Variants in NEK4 observed in about 807,000 individuals in gnomAD.
NEK4 encodes serine/threonine-protein kinase Nek4.
A neutral mutation model predicts 98.4 loss-of-function variants in NEK4; 86 were observed. That is an observed-to-expected ratio of 0.87 (90% CI 0.73 to 1.05). The LOEUF (loss-of-function observed/expected upper bound fraction) is 1.05, where lower values mean the gene tolerates loss of function less well. NEK4 is among the 50% of genes least tolerant of loss of function. The pLI, the probability that NEK4 is intolerant of heterozygous loss-of-function variation, is 0.00. For missense variants in NEK4, 898 were observed against 950.3 expected (o/e 0.94, Z 0.72); for synonymous variants, 328 against 342.2 (o/e 0.96, Z 0.46).
At chr3:52,754,684 T>C (rs1325101428) in intron 6 of NEK4, 1 of 585,510 alleles carries the variant, frequency 1.7e-6, no homozygotes. Context: ...GAGAAAACAG[T>C]AGCAACTTAA....
intron 15 of NEK4, among the ~76,000 whole-genome samples, chr3:52,735,337 T>C (rs993291123): frequency 6.6e-6 from 1 of 152,224 alleles, no homozygotes; most frequent in African/African-American, 2.4e-5. Context: ...TACTCAGAAT[T>C]TCCAATTTGC....
chr3:52,753,884 T>C (rs1000436433), intron 6 of NEK4: 1 of 357,324 alleles, frequency 2.8e-6, no homozygotes, highest in Non-Finnish European at 5.5e-6. Context: ...AGATGGCATA[T>C]TTAGGCCAGG....
At chr3:52,721,171 G>A (rs371649285) in intron 15 of NEK4, among the ~76,000 whole-genome samples, 1 of 152,212 alleles carries the variant, frequency 6.6e-6, no homozygotes, top group African/African-American at 2.4e-5. Flanking sequence ...CATGCTGCTT[G>A]CAAGAACCAG....
Position 52,710,368 on chromosome 3 carries a change from A to C in NEK4, c.*1409T>G, listed in dbSNP as rs2097349197. 2 of 151,936 alleles carry C rather than the reference A, an allele frequency of 1.3e-5. No homozygotes were observed. Among genetic ancestry groups the C allele is most frequent in the African/African-American group, 4.8e-5 (2 of 41,382 alleles). 9.4% of individuals were successfully genotyped at this position (151,936 alleles called of 1,614,324 possible). A position where few individuals can be genotyped will look rare whatever the true frequency, so the allele number is the denominator to read the frequency against. On this transcript the variant is annotated 3_prime_UTR_variant, in exon 16 of 16. Coordinates refer to ENST00000233027, the MANE Select transcript of NEK4 (RefSeq NM_003157.6). ...TGACAGAGCAAGACTGTGTCTTAAAAAAAAAAAAAAATTGTTAAGTGGCTG... is the reference window on the plus strand; with the variant it reads ...TGACAGAGCAAGACTGTGTCTTAAACAAAAAAAAAAATTGTTAAGTGGCTG...
rs949233498 is a variant in NEK4, at chr3:52,710,922, T to C, written c.*855A>G. The stretch of plus-strand genomic sequence containing the variant: ...ATTAAACAACTAATAAAATATGTGC[T>C]ATATAATCATACATTTAAAACATGG... On this transcript the variant is annotated 3_prime_UTR_variant, in exon 16 of 16. Transcript: ENST00000233027. 1.3e-5 allele frequency: 2 copies of C among 152,608 alleles called. No homozygotes were observed. The highest frequency in any genetic ancestry group is 4.1e-4 in the South Asian group (2 of 4,838). 9.5% of individuals were successfully genotyped at this position (152,608 alleles called of 1,614,324 possible).
chr3:52,711,749 A>C lies in NEK4; in HGVS notation c.*28T>G. 1 of 1,452,330 alleles carries C rather than the reference A, an allele frequency of 6.9e-7. No homozygotes were observed. The highest frequency in any genetic ancestry group is 9.7e-7 in the Non-Finnish European group (1 of 1,036,006). 90.0% of individuals were successfully genotyped at this position (1,452,330 alleles called of 1,614,324 possible). A position where few individuals can be genotyped will look rare whatever the true frequency, so the allele number is the denominator to read the frequency against. ...CAAAATCCTCTAAAAATAGGTCTTT[A>C]ATTCTGGCAGCAGATTAGGACAAAT... On this transcript the variant is annotated 3_prime_UTR_variant, in exon 16 of 16. Transcript: ENST00000233027.
intron 14 of NEK4, among the ~76,000 whole-genome samples, chr3:52,738,781 T>C (rs1486565966): frequency 6.6e-6 from 1 of 152,140 alleles, no homozygotes; most frequent in African/African-American, 2.4e-5. Context: ...TGACATTCTT[T>C]TTTCCCTCTG....
chr3:52,741,451 TAGA>T lies in NEK4; in HGVS notation c.2050_2052del (p.Ser684del). ...CCATCTGACTTATCAGTTGAACTTGTAGAAGAACTTAACTCATCCTCAGACAGA... is the reference window on the plus strand; with the variant it reads ...CCATCTGACTTATCAGTTGAACTTGTAGAACTTAACTCATCCTCAGACAGA... On this transcript the variant is annotated inframe_deletion, in exon 13 of 16. Coordinates refer to ENST00000233027, the MANE Select transcript of NEK4 (RefSeq NM_003157.6). The T allele has an allele frequency of 6.2e-7, 1 of 1,611,188 alleles. No homozygotes were observed. Among genetic ancestry groups the T allele is most frequent in the Non-Finnish European group, 8.5e-7 (1 of 1,177,412 alleles).
At chr3:52,728,557 C>T (rs1366503347) in intron 15 of NEK4, among the ~76,000 whole-genome samples, 2 of 152,150 alleles carry the variant, frequency 1.3e-5, no homozygotes, top group African/African-American at 4.8e-5. Flanking sequence ...GTTAACTGTA[C>T]AAATTGATTG....
At chr3:52,745,122 T>C (rs1306721736) in intron 10 of NEK4, among the ~76,000 whole-genome samples, 1 of 151,898 alleles carries the variant, frequency 6.6e-6, no homozygotes, top group East Asian at 2.0e-4. Flanking sequence ...GGTTTCACTG[T>C]GTTAGCCAGG....
At chr3:52,766,125 T>C in intron 3 of NEK4, 53 bp downstream of exon 3, 3 of 1,527,716 alleles carry the variant, frequency 2.0e-6, no homozygotes, top group Non-Finnish European at 1.8e-6. Context: ...CTTCTGAAAT[T>C]ACAAGCACTC....
chr3:52,743,111 G>A, intron 12 of NEK4: 1 of 406,200 alleles, frequency 2.5e-6, no homozygotes, highest in East Asian at 4.4e-5. Context: ...ACCAACCTAT[G>A]AAATATTTTT....
chr3:52,748,744 A>G (rs2097400389), intron 8 of NEK4, among the ~76,000 whole-genome samples: 1 of 152,192 alleles, frequency 6.6e-6, no homozygotes, highest in Non-Finnish European at 1.5e-5. Context: ...GGATTAGCTG[A>G]AAGAATACAC....
rs192108460 is a variant in NEK4 at position 52,726,861 on chromosome 3, G to A, written c.2433+10725C>T. ...GGAGGTTGCAGTGAGCTGAGATGGC[G>A]CCATTGCACTCCAGCCTGGGTGACA... On this transcript the variant is annotated intron_variant, in intron 15 of 15. Coordinates refer to ENST00000233027, the MANE Select transcript of NEK4 (RefSeq NM_003157.6). Among the ~76,000 whole-genome samples the A allele has an allele frequency of 5.5e-3, 823 of 149,292 alleles. 12 individuals are homozygous for A. In the South Asian group the frequency reaches 0.065, roughly 12 times the overall value.
intron 1 of NEK4, 50 bp downstream of exon 1, chr3:52,770,604 G>T (rs1300846495): frequency 1.4e-6 from 2 of 1,435,850 alleles, no homozygotes; most frequent in African/African-American, 1.5e-5. Context: ...CGGCGCCCTC[G>T]GCGCACTTCT....
At position 52,720,822 on chromosome 3, in the gene NEK4, A is replaced by G. The variant is rs531635921; in HGVS notation, c.2434-8953T>C. 2.9e-4 allele frequency among the ~76,000 whole-genome samples: 44 copies of G among 152,358 alleles called. 1 individual carries two copies. The South Asian group carries it at 4.6e-3, about 16-fold the overall frequency. Reference sequence around the variant, plus strand: ...CACAATAACTCAAAGCAATGTGAAAACACAAGAGTGCTGGTAAAGGTAATT... The same window carrying G: ...CACAATAACTCAAAGCAATGTGAAAGCACAAGAGTGCTGGTAAAGGTAATT... On this transcript the variant is annotated intron_variant, in intron 15 of 15. Coordinates refer to ENST00000233027, the MANE Select transcript of NEK4 (RefSeq NM_003157.6).
intron 15 of NEK4, among the ~76,000 whole-genome samples, chr3:52,732,179 A>G (rs2097370411): frequency 6.6e-6 from 1 of 152,042 alleles, no homozygotes; most frequent in Non-Finnish European, 1.5e-5. Context: ...CCCAGCGCCC[A>G]GCCTCACAGA....
chr3:52,745,532 T>C (rs1187109045), intron 10 of NEK4, among the ~76,000 whole-genome samples: 2 of 151,606 alleles, frequency 1.3e-5, no homozygotes, highest in African/African-American at 4.8e-5. Context: ...TGAGCCAAGA[T>C]TGTGCCACTG....
chr3:52,736,773 G>T (rs2097376665), intron 15 of NEK4, among the ~76,000 whole-genome samples: 1 of 151,670 alleles, frequency 6.6e-6, no homozygotes, highest in Non-Finnish European at 1.5e-5. Flanking sequence ...TAGGTGATTA[G>T]GCATACATTA....
Sources: allele counts gnomAD v4.1 joint callset (sites outside exome capture counted in the v4.1 genomes callset), GRCh38; gene constraint gnomAD v4.1.1; transcripts MANE v1.5; gene names NCBI Gene and HGNC (gene_info 2026-07-23, HGNC 2026-07-21).